The following ULK4 variants were observed in gnomAD, a reference collection of about 807,000 sequenced individuals.
ULK4 encodes inactive serine/threonine-protein kinase ULK4.
In ULK4, 133 loss-of-function variants were observed where a neutral mutation model predicts 160.6. That is an observed-to-expected ratio of 0.83 (90% CI 0.72 to 0.96). The LOEUF (loss-of-function observed/expected upper bound fraction) is 0.96. Ranked by LOEUF, ULK4 falls within the 40% of genes least tolerant of loss-of-function variation. The pLI is 0.00. For synonymous variants in ULK4, 534 were observed against 539.8 expected (o/e 0.99, Z 0.15); for missense variants, 1,580 against 1,499.5 (o/e 1.05, Z -0.89).
intron 19 of ULK4, among the ~76,000 whole-genome samples, chr3:41,808,547 A>G (rs2040722570): frequency 6.6e-6 from 1 of 152,238 alleles, no homozygotes; most frequent in Admixed American, 6.5e-5. Flanking sequence ...TTTGGGAAAG[A>G]TAACTGAGCT....
chr3:41,484,528 C>G (rs2084442571), intron 32 of ULK4, among the ~76,000 whole-genome samples: 1 of 148,846 alleles, frequency 6.7e-6, no homozygotes. Flanking sequence ...TCTCGGCTCA[C>G]TGCAAGCTCC....
intron 16 of ULK4, among the ~76,000 whole-genome samples, chr3:41,889,285 C>G (rs1438751855): frequency 6.6e-6 from 1 of 151,920 alleles, no homozygotes; most frequent in Non-Finnish European, 1.5e-5. Context: ...ATATTTATCT[C>G]AAATTCAGAA....
intron 34 of ULK4, among the ~76,000 whole-genome samples, chr3:41,408,271 A>T (rs2125824666): frequency 6.6e-6 from 1 of 151,212 alleles, no homozygotes; most frequent in African/African-American, 2.4e-5. Flanking sequence ...TACTAAAAAT[A>T]AAAAAAATTA....
intron 31 of ULK4, among the ~76,000 whole-genome samples, chr3:41,572,526 C>T (rs944604406): frequency 3.3e-5 from 5 of 151,490 alleles, no homozygotes; most frequent in Non-Finnish European, 2.9e-5. Context: ...TTTGGGAGGC[C>T]GAGGCAGGTG....
intron 21 of ULK4, among the ~76,000 whole-genome samples, chr3:41,762,342 A>G (rs1488997289): frequency 6.6e-6 from 1 of 152,070 alleles, no homozygotes; most frequent in African/African-American, 2.4e-5. Context: ...CATGAGTTCA[A>G]CTGTTTTAAT....
At chr3:41,287,700 G>A (rs368091908) in intron 35 of ULK4, among the ~76,000 whole-genome samples, 101 of 152,256 alleles carry the variant, frequency 6.6e-4, no homozygotes, top group Middle Eastern at 3.4e-3. Flanking sequence ...TGGGTCTCAC[G>A]GAAGCTGAGA....
intron 35 of ULK4, among the ~76,000 whole-genome samples, chr3:41,316,262 T>C (rs1319210709): frequency 6.6e-6 from 1 of 152,182 alleles, no homozygotes; most frequent in African/African-American, 2.4e-5. Context: ...AGCATTATAC[T>C]AAGTGAAAGA....
intron 21 of ULK4, among the ~76,000 whole-genome samples, chr3:41,757,788 C>T (rs113193408): frequency 0.016 from 2,400 of 151,732 alleles, 64 homozygotes; most frequent in African/African-American, 0.055. Flanking sequence ...TGCGTGCCAC[C>T]GGCTAATTTT....
intron 30 of ULK4, among the ~76,000 whole-genome samples, chr3:41,636,153 C>T (rs1342238069): frequency 3.9e-5 from 6 of 152,146 alleles, no homozygotes; most frequent in Non-Finnish European, 8.8e-5. Context: ...ATTACCATTG[C>T]CTACTTCACT....
intron 35 of ULK4, among the ~76,000 whole-genome samples, chr3:41,361,796 TA>T (rs2081150515): frequency 6.6e-6 from 1 of 152,184 alleles, no homozygotes; most frequent in Non-Finnish European, 1.5e-5. Flanking sequence ...TCAATGCAAG[TA>T]AAATCTTTAA....
intron 22 of ULK4, among the ~76,000 whole-genome samples, chr3:41,752,509 GGTTT>G (rs1374448643): frequency 1.3e-5 from 2 of 152,042 alleles, no homozygotes; most frequent in African/African-American, 2.4e-5. Context: ...GAAACAAGGA[GGTTT>G]GTTAGGAAAT....
intron 31 of ULK4, among the ~76,000 whole-genome samples, chr3:41,605,227 T>C (rs912545819): frequency 3.3e-5 from 5 of 151,520 alleles, no homozygotes; most frequent in African/African-American, 9.7e-5. Context: ...GAAGGTACAA[T>C]AGAAAACTAG....
In ULK4 at chr3:41,532,613, G is replaced by A. The variant is rs190491670; in HGVS notation, c.3226+33412C>T. ...AATGACTTAATGAACTAGATCTGGG[G>A]TGGCAAACTCTAGATCTGGGATAAA... On this transcript the variant is annotated intron_variant, in intron 32 of 36. Transcript: ENST00000301831. Among the ~76,000 whole-genome samples the A allele has an allele frequency of 3.7e-3, 556 of 152,246 alleles. 2 individuals carry two copies. Among genetic ancestry groups the A allele is most frequent in the Non-Finnish European group, 5.2e-3 (356 of 68,010 alleles).
chr3:41,473,913 C>A (rs2084065279), intron 32 of ULK4, among the ~76,000 whole-genome samples: 1 of 152,098 alleles, frequency 6.6e-6, no homozygotes, highest in Admixed American at 6.5e-5. Context: ...AATGTCCGTT[C>A]TGCCTAAAGC....
chr3:41,341,405 A>G (rs17055992), intron 35 of ULK4, among the ~76,000 whole-genome samples: 2,597 of 152,292 alleles, frequency 0.017, 65 homozygotes, highest in African/African-American at 0.052. Context: ...TTTTACACTC[A>G]ACCATGAGAC....
At chr3:41,827,568 C>T (rs1328525730) in intron 18 of ULK4, among the ~76,000 whole-genome samples, 3 of 151,946 alleles carry the variant, frequency 2.0e-5, no homozygotes, top group Admixed American at 1.3e-4. Flanking sequence ...ATAAATTCCT[C>T]GACATATACA....
chr3:41,495,241 T>C (rs77694339), intron 32 of ULK4, among the ~76,000 whole-genome samples: 61,815 of 151,342 alleles, frequency 0.41, 12,737 homozygotes, highest in African/African-American at 0.44. Context: ...TATAGATCAA[T>C]GGAACAGAAC....
At chr3:41,799,365 A>G (rs931312124) in intron 20 of ULK4, among the ~76,000 whole-genome samples, 1 of 152,242 alleles carries the variant, frequency 6.6e-6, no homozygotes, top group Admixed American at 6.5e-5. Context: ...TGAGTAAAGT[A>G]GTAGGCAACC....
At chr3:41,361,366 G>A (rs1465933110) in intron 35 of ULK4, among the ~76,000 whole-genome samples, 2 of 152,054 alleles carry the variant, frequency 1.3e-5, no homozygotes, top group African/African-American at 2.4e-5. Context: ...ATAAAACCCA[G>A]GAAAAAATAC....
Sources: gnomAD v4.1 joint callset for allele counts (sites outside exome capture counted in the v4.1 genomes callset) on GRCh38, gnomAD v4.1.1 for gene constraint, MANE v1.5 for transcripts, NCBI Gene and HGNC (gene_info 2026-07-23, HGNC 2026-07-21) for gene names.